The following DIP2C variants were observed in gnomAD, a reference collection of about 807,000 sequenced individuals.
The protein encoded by DIP2C is disco-interacting protein 2 homolog C.
In DIP2C, 33 loss-of-function variants were observed where a neutral mutation model predicts 192.4. That is an observed-to-expected ratio of 0.17 (90% CI 0.13 to 0.23). The LOEUF (loss-of-function observed/expected upper bound fraction) is 0.23, where lower values mean the gene tolerates loss of function less well. DIP2C is among the 10% of genes least tolerant of loss of function. The pLI, the probability that DIP2C is intolerant of heterozygous loss-of-function variation, is 1.00. For synonymous variants in DIP2C, 979 were observed against 864.1 expected, an observed-to-expected ratio of 1.13 and a Z score of -2.33; for missense variants, 1,537 against 2,110.1, an observed-to-expected ratio of 0.73 and a Z score of 5.32.
Position 487,492 on chromosome 10 carries a change from G to A in DIP2C, c.86-962C>T, listed in dbSNP as rs533697557. Reference sequence around the variant, plus strand: ...TGATACAGGTTCTCGTCTCCCCCACGGAACACAAGGCTGACGTCTCAACAC... The same window carrying A: ...TGATACAGGTTCTCGTCTCCCCCACAGAACACAAGGCTGACGTCTCAACAC... On this transcript the variant is annotated intron_variant, in intron 1 of 36. Transcript: ENST00000280886. Among the ~76,000 whole-genome samples the A allele has an allele frequency of 1.3e-4, 20 of 149,158 alleles. No homozygotes were observed. In the East Asian group the frequency reaches 3.4e-3, roughly 25 times the overall value.
chr10:477,574 G>A lies in DIP2C; in HGVS notation c.158-5025C>T, dbSNP rs1159786693. ...GGAAAGGAAGGTAGATGGGTGGAAG[G>A]TGCATAGGTGGGAGATGGGGAGGGA... On this transcript the variant is annotated intron_variant, in intron 2 of 36. Transcript: ENST00000280886. Among the ~76,000 whole-genome samples, 2 of 23,278 alleles carry A rather than the reference G, an allele frequency of 8.6e-5. 1 individual carries two copies. Among genetic ancestry groups the A allele is most frequent in the African/African-American group, 1.4e-4 (2 of 14,326 alleles). 15.3% of individuals were successfully genotyped at this position (23,278 alleles called of 152,430 possible).
chr10:482,251 G>T (rs996320537), intron 2 of DIP2C, among the ~76,000 whole-genome samples: 1 of 152,200 alleles, frequency 6.6e-6, no homozygotes, highest in Non-Finnish European at 1.5e-5. Flanking sequence ...AGACAAGTCC[G>T]TATTTGTGAT....
At chr10:414,799 T>C (rs1210048936) in intron 7 of DIP2C, among the ~76,000 whole-genome samples, 1 of 140,596 alleles carries the variant, frequency 7.1e-6, no homozygotes, top group Non-Finnish European at 1.5e-5. Context: ...AAAATGTATA[T>C]ATATTTTGTA....
intron 1 of DIP2C, among the ~76,000 whole-genome samples, chr10:586,236 G>A (rs1231674011): frequency 6.6e-6 from 1 of 152,206 alleles, no homozygotes; most frequent in Non-Finnish European, 1.5e-5. Flanking sequence ...GGAAGGCCCT[G>A]CAGATGCTGA....
intron 31 of DIP2C, among the ~76,000 whole-genome samples, chr10:313,989 C>T (rs1048131840): frequency 3.3e-5 from 5 of 152,110 alleles, no homozygotes; most frequent in African/African-American, 4.8e-5. Flanking sequence ...TGTGAAAGAA[C>T]GAACAAACTC....
chr10:285,153 CAA>C (rs34031685), intron 34 of DIP2C, among the ~76,000 whole-genome samples: 10 of 124,552 alleles, frequency 8.0e-5, no homozygotes, highest in African/African-American at 1.9e-4. Context: ...AGTGAGGGGC[CAA>C]AAAAAAAAAA....
chr10:522,605 T>C (rs1846784469), intron 1 of DIP2C, among the ~76,000 whole-genome samples: 1 of 152,276 alleles, frequency 6.6e-6, no homozygotes, highest in Non-Finnish European at 1.5e-5. Flanking sequence ...GGGTGCGCAG[T>C]GGCGCCTCGC....
chr10:485,844 G>C (rs186223720), intron 2 of DIP2C, among the ~76,000 whole-genome samples: 6 of 152,220 alleles, frequency 3.9e-5, no homozygotes, highest in Non-Finnish European at 7.3e-5. Flanking sequence ...GCTGAATTGA[G>C]CTTGCCAGCT....
At chr10:504,585 G>T (rs1053604255) in intron 1 of DIP2C, among the ~76,000 whole-genome samples, 3 of 151,884 alleles carry the variant, frequency 2.0e-5, no homozygotes, top group African/African-American at 7.3e-5. Context: ...AAGCACCCAC[G>T]GCTCCATGAC....
intron 9 of DIP2C, among the ~76,000 whole-genome samples, chr10:405,849 G>C (rs985019067): frequency 6.6e-6 from 1 of 152,156 alleles, no homozygotes; most frequent in Non-Finnish European, 1.5e-5. Context: ...CGGCCCTGCT[G>C]TCCAGGCGAA....
At chr10:328,049 G>T (rs1957352124) in intron 30 of DIP2C, among the ~76,000 whole-genome samples, 1 of 152,172 alleles carries the variant, frequency 6.6e-6, no homozygotes, top group Non-Finnish European at 1.5e-5. Context: ...CTGCTAAGGG[G>T]GCGGCCACCA....
At chr10:370,550 C>G (rs1033831735) in intron 17 of DIP2C, among the ~76,000 whole-genome samples, 1 of 152,220 alleles carries the variant, frequency 6.6e-6, no homozygotes, top group Non-Finnish European at 1.5e-5. Context: ...AGAGCGGCCA[C>G]AGTTTGTTTT....
rs77698368 is a variant in DIP2C at position 627,970 on chromosome 10, G to C, written c.85+61524C>G. Among the ~76,000 whole-genome samples, 1,221 of 152,272 alleles carry C rather than the reference G, an allele frequency of 8.0e-3. 10 individuals are homozygous for C. Among genetic ancestry groups the C allele is most frequent in the African/African-American group, 0.028 (1,152 of 41,550 alleles). ...CTGTAACGACTTTGCTGTTTTACCG[G>C]GGTACTAAAATGCAGCATCGGAATG... On this transcript the variant is annotated intron_variant, in intron 1 of 36. Transcript: ENST00000280886.
chr10:427,385 C>G (rs1410569793), intron 4 of DIP2C, among the ~76,000 whole-genome samples: 1 of 152,160 alleles, frequency 6.6e-6, no homozygotes, highest in Non-Finnish European at 1.5e-5. Flanking sequence ...TGCAAAATCC[C>G]TTTTACCACT....
At chr10:395,239 TAAC>T (rs1320713737) in intron 10 of DIP2C, among the ~76,000 whole-genome samples, 1 of 151,832 alleles carries the variant, frequency 6.6e-6, no homozygotes, top group African/African-American at 2.4e-5. Context: ...CAGAGCAGGG[TAAC>T]TATAATAAAT....
intron 1 of DIP2C, among the ~76,000 whole-genome samples, chr10:584,005 T>G (rs1018678804): frequency 4.6e-5 from 7 of 152,138 alleles, no homozygotes; most frequent in Non-Finnish European, 8.8e-5. Flanking sequence ...GGTCCGTCTT[T>G]GTGACCTCAC....
chr10:578,881 G>T (rs1054320850), intron 1 of DIP2C, among the ~76,000 whole-genome samples: 1 of 151,908 alleles, frequency 6.6e-6, no homozygotes, highest in Non-Finnish European at 1.5e-5. Flanking sequence ...ACATGTACGT[G>T]CATAGAGCAT....
At chr10:339,079 G>A (rs1244379838) in intron 29 of DIP2C, among the ~76,000 whole-genome samples, 1 of 151,876 alleles carries the variant, frequency 6.6e-6, no homozygotes, top group Non-Finnish European at 1.5e-5. Flanking sequence ...ACACTCTTAG[G>A]AGCACAGCCT....
At chr10:452,743 A>G (rs7092518) in intron 3 of DIP2C, among the ~76,000 whole-genome samples, 21,755 of 152,150 alleles carry the variant, frequency 0.14, 3,905 homozygotes, top group African/African-American at 0.42. Context: ...AGAAAACACC[A>G]CACACCGCTA....
Sources: gnomAD v4.1 joint callset for allele counts (sites outside exome capture counted in the v4.1 genomes callset) on GRCh38, gnomAD v4.1.1 for gene constraint, MANE v1.5 for transcripts, NCBI Gene and HGNC (gene_info 2026-07-23, HGNC 2026-07-21) for gene names.